EYA3: variants seen among roughly 807,000 people sequenced by gnomAD.
The protein encoded by EYA3 is protein phosphatase EYA3.
In EYA3, 39 loss-of-function variants were observed where a neutral mutation model predicts 80.0. That is an observed-to-expected ratio of 0.49 (90% CI 0.38 to 0.64). EYA3 has a LOEUF of 0.64. Ranked by LOEUF, EYA3 falls within the 30% of genes least tolerant of loss-of-function variation. The pLI, the probability that EYA3 is intolerant of heterozygous loss-of-function variation, is 0.00. For synonymous variants in EYA3, 206 were observed against 232.8 expected (o/e 0.88, Z 1.05); for missense variants, 523 against 676.1 (o/e 0.77, Z 2.51).
intron 7 of EYA3, among the ~76,000 whole-genome samples, chr1:28,027,365 G>A (rs376780938): frequency 1.6e-4 from 24 of 152,144 alleles, no homozygotes; most frequent in East Asian, 5.8e-4. Flanking sequence ...AGTAGTAAAT[G>A]GGGTATAAGT....
chr1:28,081,087 G>A (rs1004576528), intron 1 of EYA3, among the ~76,000 whole-genome samples: 2 of 152,064 alleles, frequency 1.3e-5, no homozygotes, highest in African/African-American at 4.8e-5. Flanking sequence ...TTTTATATAA[G>A]CAAGCCTCTG....
At chr1:28,019,794 C>T (rs1345941641) in intron 7 of EYA3, among the ~76,000 whole-genome samples, 2 of 152,056 alleles carry the variant, frequency 1.3e-5, no homozygotes, top group Admixed American at 1.3e-4. Flanking sequence ...CTCCGCCTCC[C>T]GGGTTCAAGA....
At chr1:28,050,515 C>T (rs962149174) in intron 2 of EYA3, among the ~76,000 whole-genome samples, 6 of 151,928 alleles carry the variant, frequency 3.9e-5, no homozygotes, top group Non-Finnish European at 5.9e-5. Context: ...AATTTATTTA[C>T]TTTCAAGGAA....
At chr1:28,064,443 AAG>A (rs1553155960) in intron 1 of EYA3, among the ~76,000 whole-genome samples, 1 of 151,354 alleles carries the variant, frequency 6.6e-6, no homozygotes, top group Non-Finnish European at 1.5e-5. Flanking sequence ...AAAAAAAAAA[AAG>A]AAGTGAACAA....
chr1:28,031,348 T>C (rs1022654416), intron 6 of EYA3, among the ~76,000 whole-genome samples: 13 of 152,312 alleles, frequency 8.5e-5, no homozygotes, highest in Middle Eastern at 6.8e-3. Flanking sequence ...CTATTGCTCA[T>C]AGTAAACAAG....
At chr1:28,082,880 A>G (rs949601496) in intron 1 of EYA3, among the ~76,000 whole-genome samples, 1 of 152,188 alleles carries the variant, frequency 6.6e-6, no homozygotes, top group Admixed American at 6.5e-5. Flanking sequence ...GAGGAATTTG[A>G]TCCCTTATTG....
intron 16 of EYA3, among the ~76,000 whole-genome samples, chr1:27,987,618 A>T (rs1265969213): frequency 6.6e-6 from 1 of 151,854 alleles, no homozygotes; most frequent in East Asian, 1.9e-4. Flanking sequence ...GTCTATCAAC[A>T]GTTGCATCAT....
intron 1 of EYA3, among the ~76,000 whole-genome samples, chr1:28,071,930 G>A (rs985596962): frequency 6.6e-6 from 1 of 152,040 alleles, no homozygotes; most frequent in African/African-American, 2.4e-5. Flanking sequence ...TAAAATTTAG[G>A]AACTTAATCA....
chr1:27,976,687 A>G (rs956793392), intron 17 of EYA3, among the ~76,000 whole-genome samples: 4 of 152,158 alleles, frequency 2.6e-5, no homozygotes, highest in African/African-American at 9.7e-5. Context: ...TGAACTGGAT[A>G]AAGTGCTAAG....
At chr1:28,082,313 G>A (rs1249978191) in intron 1 of EYA3, among the ~76,000 whole-genome samples, 4 of 151,916 alleles carry the variant, frequency 2.6e-5, no homozygotes. Flanking sequence ...CTGCATTAAG[G>A]TGCACCTCAA....
intron 1 of EYA3, among the ~76,000 whole-genome samples, chr1:28,067,757 A>G (rs1406189965): frequency 6.6e-6 from 1 of 152,204 alleles, no homozygotes; most frequent in Non-Finnish European, 1.5e-5. Flanking sequence ...CGAACTTCCA[A>G]TAGTTAAAGA....
At chr1:27,985,209 C>T (rs745699000) in intron 16 of EYA3, among the ~76,000 whole-genome samples, 14 of 151,928 alleles carry the variant, frequency 9.2e-5, no homozygotes, top group Non-Finnish European at 1.8e-4. Context: ...TCCCAAGTAG[C>T]CGGGACTACA....
In EYA3 at chr1:28,030,879, T is replaced by C. The variant is rs187114297; in HGVS notation, c.362-2953A>G. Reference sequence around the variant, plus strand: ...TGCTATGATTCCTGCTGATTGTATATCACACTTTTTGGTAAACAAATTGCT... The same window carrying C: ...TGCTATGATTCCTGCTGATTGTATACCACACTTTTTGGTAAACAAATTGCT... On this transcript the variant is annotated intron_variant, in intron 6 of 17. Transcript: ENST00000373871. 4.4e-3 allele frequency among the ~76,000 whole-genome samples: 670 copies of C among 152,356 alleles called. 15 individuals are homozygous for C. Among genetic ancestry groups the C allele is most frequent in the Admixed American group, 0.039 (600 of 15,300 alleles).
chr1:27,983,812 C>A (rs531939808), intron 16 of EYA3, among the ~76,000 whole-genome samples: 1 of 152,168 alleles, frequency 6.6e-6, no homozygotes, highest in Non-Finnish European at 1.5e-5. Flanking sequence ...TGTGCCACCA[C>A]GCCCAGCTAA....
chr1:28,073,103 T>TTCTATATATATC (rs1447435853), intron 1 of EYA3, among the ~76,000 whole-genome samples: 1 of 37,762 alleles, frequency 2.6e-5, no homozygotes, highest in African/African-American at 1.6e-4. Context: ...GATGAAACTA[T>TTCTATATATATC]TATATATATA....
At chr1:28,002,781 C>T (rs1640963603) in intron 11 of EYA3, among the ~76,000 whole-genome samples, 1 of 151,774 alleles carries the variant, frequency 6.6e-6, no homozygotes, top group Admixed American at 6.6e-5. Flanking sequence ...CACTGTACTC[C>T]AGCCTGCATG....
intron 14 of EYA3, among the ~76,000 whole-genome samples, chr1:27,992,289 G>A (rs111476871): frequency 5.9e-5 from 9 of 152,248 alleles, no homozygotes; most frequent in South Asian, 2.1e-4. Context: ...GAGAGGTTTC[G>A]AGATGAAATT....
chr1:28,071,144 G>A (rs1362470723), intron 1 of EYA3, among the ~76,000 whole-genome samples: 1 of 152,044 alleles, frequency 6.6e-6, no homozygotes, highest in South Asian at 2.1e-4. Context: ...GGCTGGTCTC[G>A]AATTCCTGAC....
At chr1:28,084,554 AAAATATATATATATAT>A (rs1557659203) in intron 1 of EYA3, among the ~76,000 whole-genome samples, 1 of 58,118 alleles carries the variant, frequency 1.7e-5, no homozygotes, top group African/African-American at 7.5e-5. Flanking sequence ...TGACTATTCC[AAAATATATATATATAT>A]ATATATATAT....
Sources: gnomAD v4.1 joint callset for allele counts (sites outside exome capture counted in the v4.1 genomes callset) on GRCh38, gnomAD v4.1.1 for gene constraint, MANE v1.5 for transcripts, NCBI Gene and HGNC (gene_info 2026-07-23, HGNC 2026-07-21) for gene names.